The following NAV3 variants were observed in gnomAD, a reference collection of about 807,000 sequenced individuals.
The protein encoded by NAV3 is neuron navigator 3.
Under a neutral mutation model 244.7 loss-of-function variants are expected in NAV3, and 87 were observed. The observed-to-expected ratio is 0.36, with a 90% CI of 0.30 to 0.42. NAV3 has a LOEUF of 0.42. NAV3 is among the 20% of genes least tolerant of loss of function. The pLI, the probability that NAV3 is intolerant of heterozygous loss-of-function variation, is 1.00. For missense variants in NAV3, 2,663 were observed against 2,893.3 expected (o/e 0.92, Z 1.83); for synonymous variants, 1,126 against 1,042.2 (o/e 1.08, Z -1.55).
At chr12:77,952,541 T>G (rs1891000341) in intron 3 of NAV3, among the ~76,000 whole-genome samples, 1 of 152,178 alleles carries the variant, frequency 6.6e-6, no homozygotes, top group Non-Finnish European at 1.5e-5. Flanking sequence ...AGCTGTGTTG[T>G]GTCAGTCCTC....
chr12:77,979,482 A>G (rs927005456), intron 5 of NAV3, among the ~76,000 whole-genome samples: 1 of 152,078 alleles, frequency 6.6e-6, no homozygotes, highest in Admixed American at 6.6e-5. Context: ...AGCCAAGTCT[A>G]CATGGAAAAT....
At chr12:77,603,707 G>T (rs770283111) in intron 2 of NAV3, among the ~76,000 whole-genome samples, 3 of 152,036 alleles carry the variant, frequency 2.0e-5, no homozygotes, top group Non-Finnish European at 4.4e-5. Context: ...GGAGAGGCAG[G>T]ATTGAACCTT....
chr12:77,751,656 C>A (rs895692977), intron 2 of NAV3, among the ~76,000 whole-genome samples: 3 of 152,174 alleles, frequency 2.0e-5, no homozygotes, highest in South Asian at 2.1e-4. Context: ...AAACCTCTTT[C>A]CTTTATAAAT....
chr12:77,735,002 T>C (rs138113014), intron 2 of NAV3, among the ~76,000 whole-genome samples: 181 of 152,244 alleles, frequency 1.2e-3, no homozygotes, highest in African/African-American at 3.8e-3. Context: ...TTGAATCAAT[T>C]TTCTCTCTAA....
chr12:77,800,452 G>T (rs1046220326), intron 2 of NAV3, among the ~76,000 whole-genome samples: 1 of 152,124 alleles, frequency 6.6e-6, no homozygotes, highest in Non-Finnish European at 1.5e-5. Context: ...TGTTCTTGGT[G>T]CTCACATTCT....
chr12:77,947,810 C>T (rs1890505064), intron 3 of NAV3, among the ~76,000 whole-genome samples: 2 of 151,928 alleles, frequency 1.3e-5, no homozygotes, highest in Non-Finnish European at 2.9e-5. Flanking sequence ...TAGAATATCA[C>T]CTAAATGATT....
intron 24 of NAV3, among the ~76,000 whole-genome samples, chr12:78,171,246 C>T (rs1957987142): frequency 6.6e-6 from 1 of 151,510 alleles, no homozygotes; most frequent in African/African-American, 2.4e-5. Flanking sequence ...TATCTTAGAG[C>T]TATAATAAAG....
At chr12:78,057,839 C>T (rs1228804778) in intron 11 of NAV3, among the ~76,000 whole-genome samples, 2 of 152,162 alleles carry the variant, frequency 1.3e-5, no homozygotes, top group Non-Finnish European at 2.9e-5. Flanking sequence ...ACCATCCTTA[C>T]ACACTGACCT....
chr12:78,197,879 C>T (rs547231976), intron 35 of NAV3, among the ~76,000 whole-genome samples: 1 of 151,890 alleles, frequency 6.6e-6, no homozygotes, highest in East Asian at 1.9e-4. Context: ...TAACTGGAGC[C>T]TTTAGAGCTC....
In NAV3 at chr12:78,064,426, TCTGC is replaced by T. The variant is rs1555273018; in HGVS notation, c.2636+5347_2636+5350del. Among the ~76,000 whole-genome samples, 883 of 136,230 alleles carry T rather than the reference TCTGC, an allele frequency of 6.5e-3. 7 individuals are homozygous for T. Among genetic ancestry groups the T allele is most frequent in the African/African-American group, 0.017 (624 of 36,712 alleles). 89.4% of individuals were successfully genotyped at this position (136,230 alleles called of 152,430 possible). A position where few individuals can be genotyped will look rare whatever the true frequency, so the allele number is the denominator to read the frequency against. ...GTCTGTCTGTCTGTCTGTCTGTCTG[TCTGC>T]CTGCCTGCCTGCCTGCCTGCCTGCC... On this transcript the variant is annotated intron_variant, in intron 12 of 39. Coordinates refer to ENST00000397909, the MANE Select transcript of NAV3 (RefSeq NM_001024383.2).
chr12:77,844,788 A>G (rs983861568), intron 1 of NAV3, among the ~76,000 whole-genome samples: 5 of 152,176 alleles, frequency 3.3e-5, no homozygotes, highest in Admixed American at 2.0e-4. Context: ...TATGTTGCAT[A>G]CAGCATTACA....
chr12:78,073,688 T>C (rs1401848288), intron 12 of NAV3, among the ~76,000 whole-genome samples: 1 of 152,082 alleles, frequency 6.6e-6, no homozygotes, highest in African/African-American at 2.4e-5. Context: ...GAAAAAAAAC[T>C]ACTTTAAAGT....
At chr12:78,075,836 A>T (rs535426896) in intron 12 of NAV3, among the ~76,000 whole-genome samples, 2 of 152,320 alleles carry the variant, frequency 1.3e-5, no homozygotes, top group East Asian at 3.9e-4. Context: ...ATGAAATGTG[A>T]GGCCCTCCTC....
intron 2 of NAV3, among the ~76,000 whole-genome samples, chr12:77,622,184 G>C (rs1046906635): frequency 3.0e-5 from 4 of 134,944 alleles, no homozygotes; most frequent in African/African-American, 1.1e-4. Context: ...TTTTGAGACA[G>C]AGTCTCACCC....
At chr12:78,190,681 A>G (rs1339542052) in intron 34 of NAV3, among the ~76,000 whole-genome samples, 4 of 152,054 alleles carry the variant, frequency 2.6e-5, no homozygotes, top group African/African-American at 9.7e-5. Flanking sequence ...TTCCAAGCAG[A>G]TATTCTGGGA....
intron 2 of NAV3, among the ~76,000 whole-genome samples, chr12:77,704,038 A>G (rs184636946): frequency 1.7e-3 from 253 of 152,318 alleles, no homozygotes; most frequent in Non-Finnish European, 2.6e-3. Flanking sequence ...GGTCACTGCC[A>G]TCTTGAGCTT....
At chr12:77,892,418 A>ATTT (rs201721386) in intron 1 of NAV3, among the ~76,000 whole-genome samples, 1 of 143,002 alleles carries the variant, frequency 7.0e-6, no homozygotes. Flanking sequence ...GACCATTTGA[A>ATTT]TTTTTTTTTT....
intron 2 of NAV3, among the ~76,000 whole-genome samples, chr12:77,761,214 G>A (rs934928787): frequency 2.6e-5 from 4 of 151,876 alleles, no homozygotes; most frequent in African/African-American, 9.7e-5. Flanking sequence ...GCCCACCACC[G>A]TGTCTGGCTA....
intron 36 of NAV3, 115 bp downstream of exon 36, chr12:78,198,791 T>A (rs1421531292): frequency 1.4e-6 from 1 of 737,678 alleles, no homozygotes; most frequent in Non-Finnish European, 2.3e-6. Context: ...TTTTTCCATT[T>A]GTACTTTGAC....
Sources: gnomAD v4.1 joint callset for allele counts (sites outside exome capture counted in the v4.1 genomes callset) on GRCh38, gnomAD v4.1.1 for gene constraint, MANE v1.5 for transcripts, NCBI Gene and HGNC (gene_info 2026-07-23, HGNC 2026-07-21) for gene names.